The following TAX1BP1 variants were observed in gnomAD, a reference collection of about 807,000 sequenced individuals.
TAX1BP1 encodes tax1-binding protein 1.
Under a neutral mutation model 97.7 loss-of-function variants are expected in TAX1BP1, and 62 were observed. That is an observed-to-expected ratio of 0.63 (90% CI 0.52 to 0.78). TAX1BP1 has a LOEUF of 0.78. Among genes scored for constraint, TAX1BP1 ranks in the 30% least tolerant of loss-of-function variants. The probability of loss-of-function intolerance (pLI) is 0.00; values close to 1 mark genes in which losing one functional copy is unlikely to be tolerated. For missense variants in TAX1BP1, 867 were observed against 916.1 expected (o/e 0.95, Z 0.69); for synonymous variants, 340 against 304.2 (o/e 1.12, Z -1.23).
chr7:27,793,782 T>C (rs1789808000), intron 10 of TAX1BP1, among the ~76,000 whole-genome samples: 1 of 152,216 alleles, frequency 6.6e-6, no homozygotes, highest in South Asian at 2.1e-4. Context: ...AAACTGTGCT[T>C]AAATACAAGG....
At chr7:27,825,486 G>A (rs556474268) in intron 15 of TAX1BP1, among the ~76,000 whole-genome samples, 1 of 152,096 alleles carries the variant, frequency 6.6e-6, no homozygotes, top group South Asian at 2.1e-4. Context: ...CTGGGTAGAT[G>A]GTTCATGTTT....
At chr7:27,769,899 A>G (rs757628253) in intron 5 of TAX1BP1, 65 bp downstream of exon 5, 232 of 1,499,744 alleles carry the variant, frequency 1.5e-4, no homozygotes, top group Non-Finnish European at 2.0e-4. Context: ...ACCTTTTTAA[A>G]GAGCTGAACC....
chr7:27,745,253 T>G (rs1489719615), intron 1 of TAX1BP1, among the ~76,000 whole-genome samples: 1 of 152,190 alleles, frequency 6.6e-6, no homozygotes, highest in Non-Finnish European at 1.5e-5. Flanking sequence ...GAAGCTACAC[T>G]TCCCAGGCAT....
intron 9 of TAX1BP1, 41 bp from the exon 10 acceptor site, chr7:27,793,025 C>G (rs768916440): frequency 6.5e-7 from 1 of 1,540,372 alleles, no homozygotes; most frequent in Non-Finnish European, 8.7e-7. Context: ...TAGGAGGTAT[C>G]AGATTTTTAT....
chr7:27,786,195 G>C (rs539386204), intron 7 of TAX1BP1, among the ~76,000 whole-genome samples: 6 of 150,174 alleles, frequency 4.0e-5, no homozygotes, highest in Non-Finnish European at 8.9e-5. Flanking sequence ...GCAGTGGTGC[G>C]ATCTCGGCCC....
chr7:27,775,406 T>C (rs891355824), intron 5 of TAX1BP1, among the ~76,000 whole-genome samples: 3 of 152,206 alleles, frequency 2.0e-5, no homozygotes, highest in African/African-American at 7.2e-5. Flanking sequence ...TCATATGTAT[T>C]AAAAGTTTAA....
intron 13 of TAX1BP1, among the ~76,000 whole-genome samples, chr7:27,815,821 G>A (rs988053886): frequency 6.6e-6 from 1 of 152,064 alleles, no homozygotes; most frequent in Non-Finnish European, 1.5e-5. Flanking sequence ...GGATCAAGAG[G>A]TCAGGAGTTC....
chr7:27,825,648 C>G (rs546417294), intron 15 of TAX1BP1, among the ~76,000 whole-genome samples: 1 of 152,156 alleles, frequency 6.6e-6, no homozygotes, highest in Non-Finnish European at 1.5e-5. Context: ...GTATAAATTA[C>G]TTCTACCTTT....
At chr7:27,771,062 A>G (rs1417454120) in intron 5 of TAX1BP1, among the ~76,000 whole-genome samples, 1 of 139,832 alleles carries the variant, frequency 7.2e-6, no homozygotes, top group African/African-American at 2.7e-5. Flanking sequence ...AAATCTCATA[A>G]TATGTGCCCT....
In TAX1BP1 at chr7:27,796,330, A is replaced by G. The variant is rs538333840; in HGVS notation, c.1638+111A>G. On this transcript the variant is annotated intron_variant, in intron 12 of 16. Coordinates refer to ENST00000396319, the MANE Select transcript of TAX1BP1 (RefSeq NM_006024.7). Reference sequence around the variant, plus strand: ...TTGAGTTTCTTTTCCATCTCCATATAGTGTTACTTAGTTTCACTTTGGCTT... The same window carrying G: ...TTGAGTTTCTTTTCCATCTCCATATGGTGTTACTTAGTTTCACTTTGGCTT... 255 of 882,536 alleles carry G rather than the reference A, an allele frequency of 2.9e-4. No homozygotes were observed. In the African/African-American group the frequency reaches 3.9e-3, roughly 14 times the overall value. The allele number at this position is 882,536 out of a possible 1,614,324, so 54.7% of individuals were successfully genotyped here.
intron 13 of TAX1BP1, among the ~76,000 whole-genome samples, chr7:27,810,667 G>A (rs945679914): frequency 6.6e-6 from 1 of 152,054 alleles, no homozygotes. Flanking sequence ...TATATCTCCT[G>A]CCTGAGACAG....
At chr7:27,811,796 G>A (rs1790571097) in intron 13 of TAX1BP1, among the ~76,000 whole-genome samples, 1 of 151,922 alleles carries the variant, frequency 6.6e-6, no homozygotes, top group Non-Finnish European at 1.5e-5. Flanking sequence ...GAAAACCTCT[G>A]GTCTGCTTTC....
intron 5 of TAX1BP1, among the ~76,000 whole-genome samples, chr7:27,782,383 G>A (rs1252232187): frequency 6.6e-6 from 1 of 151,894 alleles, no homozygotes; most frequent in Non-Finnish European, 1.5e-5. Context: ...GGGACTACAG[G>A]CACACACCAC....
rs1782564646 is a variant in TAX1BP1, at chr7:27,828,650, C to A, written c.2191C>A (p.Pro731Thr). Reference sequence around the variant, plus strand: ...AAGCTTTGATGTTCACAAGAAGTGTCCCCTCTGTGAGTTAATGTTTCCTCC... The same window carrying A: ...AAGCTTTGATGTTCACAAGAAGTGTACCCTCTGTGAGTTAATGTTTCCTCC... ...DSSFDVHKKC[P>T]LCELMFPPNY... Residue 731 changes from proline to threonine, a missense_variant, in exon 17 of 17, where the codon CCC (proline) becomes ACC (threonine). Pro to Thr is a conservative substitution (Grantham distance 38, BLOSUM62 -1). Transcript: ENST00000396319. 6.2e-7 allele frequency: 1 copy of A among 1,613,826 alleles called. No homozygotes were observed. The highest frequency in any genetic ancestry group is 2.2e-5 in the East Asian group (1 of 44,866).
chr7:27,766,419 C>CAAAAAAAAA (rs201297532), intron 4 of TAX1BP1, among the ~76,000 whole-genome samples: 19 of 76,884 alleles, frequency 2.5e-4, no homozygotes, highest in Non-Finnish European at 3.9e-4. Context: ...GACTCCGTAT[C>CAAAAAAAAA]AAAAAAAAAA....
At chr7:27,786,407 C>T (rs543131193) in intron 7 of TAX1BP1, among the ~76,000 whole-genome samples, 44 of 152,154 alleles carry the variant, frequency 2.9e-4, no homozygotes, top group Non-Finnish European at 5.7e-4. Context: ...AGGCGTGAGC[C>T]GCCGTGCCTG....
intron 2 of TAX1BP1, among the ~76,000 whole-genome samples, chr7:27,752,165 A>G (rs949063650): frequency 2.0e-5 from 3 of 148,832 alleles, no homozygotes; most frequent in African/African-American, 7.5e-5. Context: ...TGAGATAATG[A>G]AAGCCTAAAG....
intron 13 of TAX1BP1, 88 bp downstream of exon 13, chr7:27,800,178 TTAAA>T (rs1790078959): frequency 6.7e-6 from 8 of 1,198,294 alleles, no homozygotes; most frequent in Non-Finnish European, 8.9e-6. Flanking sequence ...AATGTACATT[TTAAA>T]TATGGATAAT....
intron 13 of TAX1BP1, among the ~76,000 whole-genome samples, chr7:27,807,130 T>C (rs1790368122): frequency 6.6e-6 from 1 of 152,080 alleles, no homozygotes; most frequent in Non-Finnish European, 1.5e-5. Context: ...GTTGAAAAAA[T>C]AGTATAGTGA....
Sources: gnomAD v4.1 joint callset for allele counts (sites outside exome capture counted in the v4.1 genomes callset) on GRCh38, gnomAD v4.1.1 for gene constraint, MANE v1.5 for transcripts, NCBI Gene and HGNC (gene_info 2026-07-23, HGNC 2026-07-21) for gene names.